Variants in KIRREL3 observed in about 807,000 individuals in gnomAD.
KIRREL3 encodes the protein kirre like nephrin family adhesion molecule 3, also known as kin of IRRE-like protein 3.
A neutral mutation model predicts 89.7 loss-of-function variants in KIRREL3; 36 were observed. The observed-to-expected ratio is 0.40, with a 90% CI of 0.31 to 0.53. The LOEUF (loss-of-function observed/expected upper bound fraction) is 0.53. KIRREL3 is among the 20% of genes least tolerant of loss of function. The pLI, the probability that KIRREL3 is intolerant of heterozygous loss-of-function variation, is 0.49. For synonymous variants in KIRREL3, 445 were observed against 441.4 expected, an observed-to-expected ratio of 1.01 and a Z score of -0.10; for missense variants, 864 against 1,056.6, an observed-to-expected ratio of 0.82 and a Z score of 2.53.
In KIRREL3 at chr11:126,914,379, T is replaced by C. The variant is rs1283941748; in HGVS notation, c.55+86076A>G. On this transcript the variant is annotated intron_variant, in intron 1 of 16. Transcript: ENST00000525144. ...TTGGAAGATAAAGAATGATGAGACA[T>C]GGTTTCCATTCTCAGAGAATTTATA... Among the ~76,000 whole-genome samples, 3 of 152,234 alleles carry C rather than the reference T, an allele frequency of 2.0e-5. No homozygotes were observed. The East Asian group carries it at 5.8e-4, about 29-fold the overall frequency.
rs1413958891 is a variant in KIRREL3 at position 126,666,175 on chromosome 11, T to C, written c.56-103263A>G. ...TTAATAAATAAGTGCAGCAGGATCT[T>C]GGTTCCGCAGGAAGAGTGTGGATTC... On this transcript the variant is annotated intron_variant, in intron 1 of 16. Transcript: ENST00000525144. This position sits in a 1 kb window ranked among gnomAD's most constrained non-coding sequence, Gnocchi z 4.2. Among the ~76,000 whole-genome samples the C allele has an allele frequency of 6.6e-6, 1 of 152,230 alleles. No individual in the cohort carries two copies. The highest frequency in any genetic ancestry group is 1.5e-5 in the Non-Finnish European group (1 of 68,034).
rs185977353 is a variant in KIRREL3, at chr11:126,554,233, G to T, written c.133+8602C>A. ...CGAAGACAGGATGAGTATTTCAGGT[G>T]GGTCCTGCGCACCCACCTTCCAAGA... On this transcript the variant is annotated intron_variant, in intron 2 of 16. Transcript: ENST00000525144. Among the ~76,000 whole-genome samples, 90 of 152,266 alleles carry T rather than the reference G, an allele frequency of 5.9e-4. 2 individuals carry two copies. The highest frequency in any genetic ancestry group is 3.5e-3 in the South Asian group (17 of 4,808).
rs1565641599 is a variant in KIRREL3 at position 126,676,671 on chromosome 11, T to C, written c.56-113759A>G. Among the ~76,000 whole-genome samples the C allele has an allele frequency of 2.0e-5, 3 of 152,148 alleles. No individual in the cohort carries two copies. In the East Asian group the frequency reaches 5.8e-4, roughly 29 times the overall value. On this transcript the variant is annotated intron_variant, in intron 1 of 16. Coordinates refer to ENST00000525144, the MANE Select transcript of KIRREL3 (RefSeq NM_032531.4). This position sits in a 1 kb window ranked among gnomAD's most constrained non-coding sequence, Gnocchi z 4.5. The stretch of plus-strand genomic sequence containing the variant: ...CTTGCCTGGACTTGAGGTAACTGCC[T>C]TGGCCTCCCTAAGCCAAAGATGCAT...
intron 1 of KIRREL3, among the ~76,000 whole-genome samples, chr11:126,852,282 G>A (rs996322123): frequency 5.9e-5 from 9 of 151,958 alleles, no homozygotes; most frequent in African/African-American, 1.7e-4. Flanking sequence ...TCGATCTTTC[G>A]ACCTCATGAT....
Position 126,867,874 on chromosome 11 carries a change from C to T in KIRREL3, c.55+132581G>A, listed in dbSNP as rs1193590533. On this transcript the variant is annotated intron_variant, in intron 1 of 16. Transcript: ENST00000525144. This position sits in a 1 kb window ranked among gnomAD's most constrained non-coding sequence, Gnocchi z 4.7. ...CTGCAATAAAACTGTGGACTCCCCA[C>T]GGATGCCATGCATGTCTTATATATC... is the stretch of plus-strand genomic sequence containing the variant. Among the ~76,000 whole-genome samples the T allele has an allele frequency of 9.2e-5, 14 of 152,234 alleles. No homozygotes were observed. Among genetic ancestry groups the T allele is most frequent in the East Asian group, 3.9e-4 (2 of 5,170 alleles).
rs1437950958 is a variant in KIRREL3 at position 126,844,723 on chromosome 11, G to A, written c.55+155732C>T. On this transcript the variant is annotated intron_variant, in intron 1 of 16. Transcript: ENST00000525144. The surrounding 1 kb of genome is among the most constrained non-coding windows in gnomAD (Gnocchi z 4.8). ...GGTTTGGCACTATAGGATGTTAACT[G>A]CTATTCTCTTTGGATTATTTTACTT... is the stretch of plus-strand genomic sequence containing the variant. 1.3e-5 allele frequency among the ~76,000 whole-genome samples: 2 copies of A among 152,160 alleles called. No individual in the cohort carries two copies. The highest frequency in any genetic ancestry group is 2.9e-5 in the Non-Finnish European group (2 of 68,018).
chr11:126,973,363 C>G (rs1387527157), intron 1 of KIRREL3, among the ~76,000 whole-genome samples: 1 of 152,200 alleles, frequency 6.6e-6, no homozygotes, highest in Non-Finnish European at 1.5e-5. Flanking sequence ...GCATGCATTC[C>G]TTCTCTGTGT....
Position 126,552,550 on chromosome 11 carries a change from G to GTTTTTTTTTTTTTT in KIRREL3, c.133+10271_133+10284dup, listed in dbSNP as rs59392843. ...TGCATCACACAGGGGAGAGAGAAAA[G>GTTTTTTTTTTTTTT]TTTTTTTTTTTTTTTTTTTTTTTTT... On this transcript the variant is annotated intron_variant, in intron 2 of 16. Coordinates refer to ENST00000525144, the MANE Select transcript of KIRREL3 (RefSeq NM_032531.4). 1.2e-4 allele frequency among the ~76,000 whole-genome samples: 10 copies of GTTTTTTTTTTTTTT among 81,764 alleles called. 1 individual carries two copies. Among genetic ancestry groups the GTTTTTTTTTTTTTT allele is most frequent in the African/African-American group, 1.7e-4 (4 of 23,492 alleles). 53.6% of individuals were successfully genotyped at this position (81,764 alleles called of 152,430 possible). A position where few individuals can be genotyped will look rare whatever the true frequency, so the allele number is the denominator to read the frequency against.
At chr11:126,511,543 T>C (rs1958222637) in intron 4 of KIRREL3, among the ~76,000 whole-genome samples, 1 of 152,182 alleles carries the variant, frequency 6.6e-6, no homozygotes. Flanking sequence ...GGCTCCCGGC[T>C]CATGGGCATT....
chr11:126,958,447 C>A (rs111907189), intron 1 of KIRREL3, among the ~76,000 whole-genome samples: 498 of 152,360 alleles, frequency 3.3e-3, no homozygotes, highest in African/African-American at 0.011. Flanking sequence ...CTAACAGAGA[C>A]CCACATTCAA....
chr11:126,488,899 C>G (rs1957436904), intron 4 of KIRREL3, among the ~76,000 whole-genome samples: 1 of 152,262 alleles, frequency 6.6e-6, no homozygotes, highest in South Asian at 2.1e-4. Context: ...CGTCTCCAGC[C>G]AGGAAGACGG....
At chr11:126,659,516 GATAAAGAC>G (rs1945300413) in intron 1 of KIRREL3, among the ~76,000 whole-genome samples, 2 of 152,352 alleles carry the variant, frequency 1.3e-5, no homozygotes, top group East Asian at 1.9e-4. Context: ...CAGACCACCT[GATAAAGAC>G]TGTCTCACCC....
rs1321721992 is a variant in KIRREL3 at position 126,443,152 on chromosome 11, A to G, written c.1252+1827T>C. 6.6e-6 allele frequency among the ~76,000 whole-genome samples: 1 copy of G among 152,190 alleles called. No homozygotes were observed. Among genetic ancestry groups the G allele is most frequent in the Non-Finnish European group, 1.5e-5 (1 of 68,028 alleles). The stretch of plus-strand genomic sequence containing the variant: ...CACCTGCTTTTCCCCAGAAACGCCA[A>G]TGCTCATTTGATGCTCCAGGCTTGG... On this transcript the variant is annotated intron_variant, in intron 10 of 16. Transcript: ENST00000525144. This position sits in a 1 kb window ranked among gnomAD's most constrained non-coding sequence, Gnocchi z 7.3.
chr11:126,615,461 G>C lies in KIRREL3; in HGVS notation c.56-52549C>G, dbSNP rs925365065. ...AGAGCTTTGGGAGGTTAAGGAATGG[G>C]CAAAATCACAGCCAGTAGGTAGCAG... On this transcript the variant is annotated intron_variant, in intron 1 of 16. Coordinates refer to ENST00000525144, the MANE Select transcript of KIRREL3 (RefSeq NM_032531.4). The surrounding 1 kb of genome is among the most constrained non-coding windows in gnomAD (Gnocchi z 5.4). 6.6e-6 allele frequency among the ~76,000 whole-genome samples: 1 copy of C among 152,138 alleles called. No individual in the cohort carries two copies. Among genetic ancestry groups the C allele is most frequent in the African/African-American group, 2.4e-5 (1 of 41,434 alleles).
intron 1 of KIRREL3, among the ~76,000 whole-genome samples, chr11:126,595,482 C>T (rs1443010212): frequency 6.6e-6 from 1 of 152,252 alleles, no homozygotes; most frequent in Non-Finnish European, 1.5e-5. Context: ...CTTCCTCATC[C>T]TAAACTTGGC....
Position 126,747,432 on chromosome 11 carries a change from T to C in KIRREL3, c.56-184520A>G, listed in dbSNP as rs1949190145. Reference sequence around the variant, plus strand: ...CTACACTCCAGTTATCCCAGACCATTTACCATTCTCTGATTAAGTCATGCA... The same window carrying C: ...CTACACTCCAGTTATCCCAGACCATCTACCATTCTCTGATTAAGTCATGCA... On this transcript the variant is annotated intron_variant, in intron 1 of 16. Transcript: ENST00000525144. This position sits in a 1 kb window ranked among gnomAD's most constrained non-coding sequence, Gnocchi z 4.7. Among the ~76,000 whole-genome samples, 1 of 152,168 alleles carries C rather than the reference T, an allele frequency of 6.6e-6. No individual in the cohort carries two copies. Among genetic ancestry groups the C allele is most frequent in the South Asian group, 2.1e-4 (1 of 4,820 alleles).
chr11:126,708,536 T>TA lies in KIRREL3; in HGVS notation c.56-145625dup, dbSNP rs891525020. Among the ~76,000 whole-genome samples the TA allele has an allele frequency of 6.6e-6, 1 of 152,104 alleles. No homozygotes were observed. The highest frequency in any genetic ancestry group is 1.5e-5 in the Non-Finnish European group (1 of 67,998). On this transcript the variant is annotated intron_variant, in intron 1 of 16. Transcript: ENST00000525144. This position sits in a 1 kb window ranked among gnomAD's most constrained non-coding sequence, Gnocchi z 5.7. Reference sequence around the variant, plus strand: ...CAGGAGTCATCACCATCAGTAACAGTAACAACAGCTTCATTAACAAGTTGC... The same window carrying TA: ...CAGGAGTCATCACCATCAGTAACAGTAAACAACAGCTTCATTAACAAGTTGC...
In KIRREL3 at chr11:126,614,589, C is replaced by G. The variant is rs902744629; in HGVS notation, c.56-51677G>C. Reference sequence around the variant, plus strand: ...CTGCCCAGGTGGTTCTATCATCAAGCCAGAGATGAGGACCCCTGGTGCAGG... The same window carrying G: ...CTGCCCAGGTGGTTCTATCATCAAGGCAGAGATGAGGACCCCTGGTGCAGG... On this transcript the variant is annotated intron_variant, in intron 1 of 16. Coordinates refer to ENST00000525144, the MANE Select transcript of KIRREL3 (RefSeq NM_032531.4). This position sits in a 1 kb window ranked among gnomAD's most constrained non-coding sequence, Gnocchi z 4.6. 1.3e-5 allele frequency among the ~76,000 whole-genome samples: 2 copies of G among 152,148 alleles called. No homozygotes were observed. The highest frequency in any genetic ancestry group is 6.5e-5 in the Admixed American group (1 of 15,284).
Position 126,902,735 on chromosome 11 carries a change from C to T in KIRREL3, c.55+97720G>A, listed in dbSNP as rs188691103. Among the ~76,000 whole-genome samples the T allele has an allele frequency of 5.3e-5, 8 of 152,322 alleles. No individual in the cohort carries two copies. In the East Asian group the frequency reaches 1.2e-3, roughly 22 times the overall value. ...ACAGGATGCTGGGCAAACACTGGGA[C>T]ACAGCTCCTTTCCAATATTCTGGAT... On this transcript the variant is annotated intron_variant, in intron 1 of 16. Coordinates refer to ENST00000525144, the MANE Select transcript of KIRREL3 (RefSeq NM_032531.4).
Sources: allele counts gnomAD v4.1 joint callset (sites outside exome capture counted in the v4.1 genomes callset), GRCh38; gene constraint gnomAD v4.1.1; non-coding constraint Gnocchi (gnomAD v3.1); transcripts MANE v1.5; gene names NCBI Gene and HGNC (gene_info 2026-07-23, HGNC 2026-07-21).